MYO5B: variants seen among roughly 807,000 people sequenced by gnomAD.
The protein encoded by MYO5B is myosin VB.
Under a neutral mutation model 229.3 loss-of-function variants are expected in MYO5B, and 143 were observed. The observed-to-expected ratio is 0.62, with a 90% CI of 0.54 to 0.72. MYO5B has a LOEUF of 0.72. MYO5B is among the 30% of genes least tolerant of loss of function. The pLI is 0.00. For missense variants in MYO5B, 2,321 were observed against 2,331.0 expected (o/e 1.00, Z 0.09); for synonymous variants, 918 against 885.2 (o/e 1.04, Z -0.66).
intron 31 of MYO5B, 43 bp from the exon 32 acceptor site, chr18:49,849,703 C>A (rs1356679802): frequency 6.7e-7 from 1 of 1,502,892 alleles, no homozygotes; most frequent in Admixed American, 1.7e-5. Context: ...ATCAGCCCGG[C>A]CTGGGATGGT....
intron 7 of MYO5B, among the ~76,000 whole-genome samples, chr18:49,987,859 C>T (rs959335439): frequency 2.0e-5 from 3 of 152,170 alleles, no homozygotes; most frequent in Non-Finnish European, 4.4e-5. Context: ...AGGAAATAAG[C>T]TGTGAGTGGA....
chr18:50,116,693 C>A (rs1846252293), intron 1 of MYO5B, among the ~76,000 whole-genome samples: 1 of 152,022 alleles, frequency 6.6e-6, no homozygotes, highest in Non-Finnish European at 1.5e-5. Flanking sequence ...CCTGGATCAG[C>A]CGCATAGCTT....
At chr18:49,881,743 C>G (rs956079686) in intron 22 of MYO5B, among the ~76,000 whole-genome samples, 6 of 150,418 alleles carry the variant, frequency 4.0e-5, no homozygotes, top group African/African-American at 1.5e-4. Flanking sequence ...GAAGAGCTTG[C>G]AGTGAGCCGA....
intron 1 of MYO5B, among the ~76,000 whole-genome samples, chr18:50,124,554 C>A (rs55962226): frequency 0.2 from 30,825 of 151,946 alleles, 3,595 homozygotes; most frequent in Non-Finnish European, 0.27. Flanking sequence ...ACAACAACAA[C>A]AAAAAACTTT....
intron 1 of MYO5B, among the ~76,000 whole-genome samples, chr18:50,180,427 A>G (rs1021850891): frequency 6.6e-6 from 1 of 152,222 alleles, no homozygotes; most frequent in Non-Finnish European, 1.5e-5. Flanking sequence ...TTACACAGCT[A>G]GAAAGCTGAG....
chr18:50,106,372 T>TTAGA (rs1469770834), intron 1 of MYO5B, among the ~76,000 whole-genome samples: 2 of 152,204 alleles, frequency 1.3e-5, no homozygotes, highest in Non-Finnish European at 2.9e-5. Context: ...CTCAGAGCTC[T>TTAGA]TAGATGCCCT....
intron 21 of MYO5B, among the ~76,000 whole-genome samples, chr18:49,896,476 T>C (rs540117416): frequency 6.4e-4 from 97 of 152,066 alleles, no homozygotes; most frequent in Middle Eastern, 3.4e-3. Flanking sequence ...CACAGAGGAG[T>C]AGGGCACAGG....
intron 4 of MYO5B, among the ~76,000 whole-genome samples, chr18:50,006,788 T>C (rs764651180): frequency 6.6e-6 from 1 of 152,132 alleles, no homozygotes; most frequent in Non-Finnish European, 1.5e-5. Flanking sequence ...GAGGTCACTC[T>C]GCTCAAAGGA....
rs2144080770 is a variant in MYO5B, at chr18:49,864,388, A to G, written c.3604-8T>C. 1.2e-6 allele frequency: 2 copies of G among 1,612,714 alleles called. No individual in the cohort carries two copies. The highest frequency in any genetic ancestry group is 8.5e-7 in the Non-Finnish European group (1 of 1,180,024). Reference sequence around the variant, plus strand: ...TGACTCCAGCTCTTGCCTCTGGAAGACAGCCCAAGGGCCGCTGCCATTACT... The same window carrying G: ...TGACTCCAGCTCTTGCCTCTGGAAGGCAGCCCAAGGGCCGCTGCCATTACT... On this transcript the variant is annotated splice_region_variant and splice_polypyrimidine_tract_variant and intron_variant, in intron 27 of 39. Transcript: ENST00000285039.
chr18:49,972,420 T>G (rs1423566127), intron 10 of MYO5B, among the ~76,000 whole-genome samples: 2 of 152,172 alleles, frequency 1.3e-5, no homozygotes, highest in African/African-American at 4.8e-5. Flanking sequence ...CTCTTTAAAT[T>G]CAAGGCACTG....
chr18:49,944,456 T>G (rs1787592), intron 14 of MYO5B, among the ~76,000 whole-genome samples: 89,090 of 151,914 alleles, frequency 0.59, 26,610 homozygotes, highest in Middle Eastern at 0.73. Context: ...AGGGAGACCA[T>G]GGAGACCAGA....
At chr18:49,903,470 C>T (rs1338061494) in intron 20 of MYO5B, among the ~76,000 whole-genome samples, 1 of 152,170 alleles carries the variant, frequency 6.6e-6, no homozygotes, top group Non-Finnish European at 1.5e-5. Context: ...CATGCTGCCC[C>T]TGCTGAGAAA....
intron 1 of MYO5B, among the ~76,000 whole-genome samples, chr18:50,182,961 T>G (rs2033093741): frequency 6.6e-6 from 1 of 152,096 alleles, no homozygotes; most frequent in Non-Finnish European, 1.5e-5. Flanking sequence ...TACCTACAAC[T>G]TCAATGACAG....
intron 1 of MYO5B, among the ~76,000 whole-genome samples, chr18:50,122,635 GAGAGAGAGAGAGAGAGAGA>G (rs1280538843): frequency 2.0e-3 from 12 of 6,104 alleles, no homozygotes; most frequent in Admixed American, 0.012. Context: ...AAGGGGGGGG[GAGAGAGAGAGAGAGAGAGA>G]GAGAGAGAGA....
intron 1 of MYO5B, among the ~76,000 whole-genome samples, chr18:50,122,380 T>A (rs1323708209): frequency 7.4e-6 from 1 of 135,040 alleles, no homozygotes; most frequent in Non-Finnish European, 1.5e-5. Context: ...GGCAGGCAGA[T>A]CACTTGAGGT....
chr18:50,108,636 A>G (rs996596919), intron 1 of MYO5B, among the ~76,000 whole-genome samples: 2 of 152,136 alleles, frequency 1.3e-5, no homozygotes, highest in Admixed American at 6.5e-5. Flanking sequence ...ATGCAGATGG[A>G]CCCCCGACAA....
intron 2 of MYO5B, among the ~76,000 whole-genome samples, chr18:50,050,521 G>T (rs1429322464): frequency 6.6e-6 from 1 of 152,202 alleles, no homozygotes; most frequent in Non-Finnish European, 1.5e-5. Context: ...CCCTGACACT[G>T]TGTTGCAGAG....
At chr18:49,869,016 A>G (rs770083068) in intron 27 of MYO5B, among the ~76,000 whole-genome samples, 8 of 152,216 alleles carry the variant, frequency 5.3e-5, no homozygotes, top group Non-Finnish European at 1.0e-4. Flanking sequence ...CATCTTGTGC[A>G]TGTACCTGTG....
chr18:49,936,918 C>T (rs905087739), intron 15 of MYO5B, among the ~76,000 whole-genome samples: 1 of 152,112 alleles, frequency 6.6e-6, no homozygotes, highest in Non-Finnish European at 1.5e-5. Context: ...CCACAGCTTC[C>T]TTAAGCCTCC....
Sources: allele counts gnomAD v4.1 joint callset (sites outside exome capture counted in the v4.1 genomes callset), GRCh38; gene constraint gnomAD v4.1.1; transcripts MANE v1.5; gene names NCBI Gene and HGNC (gene_info 2026-07-23, HGNC 2026-07-21).